The following NABP1 variants were observed in gnomAD, a reference collection of about 807,000 sequenced individuals.
NABP1 encodes SOSS complex subunit B2.
A neutral mutation model predicts 25.0 loss-of-function variants in NABP1; 18 were observed. The ratio of observed to expected loss-of-function variants is 0.72; its 90% CI spans 0.50 to 1.07. NABP1 has a LOEUF of 1.07. Ranked by LOEUF, NABP1 falls within the 50% of genes least tolerant of loss-of-function variation. NABP1 has a pLI of 0.00. For synonymous variants in NABP1, 71 were observed against 85.0 expected, an observed-to-expected ratio of 0.84 and a Z score of 0.91; for missense variants, 270 against 255.6, an observed-to-expected ratio of 1.06 and a Z score of -0.39.
chr2:191,678,738 G>T (rs769717756), intron 1 of NABP1, 33 bp downstream of exon 1: 88 of 1,576,112 alleles, frequency 5.6e-5, no homozygotes, highest in Non-Finnish European at 7.5e-5. Flanking sequence ...TCCACCGCCC[G>T]CTGTGCCTCC....
At chr2:191,682,092 T>C (rs962522266) in intron 3 of NABP1, 75 bp downstream of exon 3, 1 of 937,234 alleles carries the variant, frequency 1.1e-6, no homozygotes, top group Non-Finnish European at 1.5e-6. Context: ...TAGGTATGAA[T>C]TGTAAACCTC....
Position 191,684,291 on chromosome 2 carries a change from C to T in NABP1, c.440C>T (p.Pro147Leu), listed in dbSNP as rs750132844. The change falls in exon 5 of 6, where the codon CCA (proline) becomes CTA (leucine). Residue 147 changes from proline to leucine, a missense_variant. Transcript: ENST00000425611. ...NSNMGTGTFG[P>L]VGNGVHTGPE... ...AATATGGGTACAGGTACATTTGGAC[C>T]AGTGGGTAAGATTTTGTTTGTGTGT... The T allele has an allele frequency of 7.2e-6, 11 of 1,521,804 alleles. No homozygotes were observed. Among genetic ancestry groups the T allele is most frequent in the Non-Finnish European group, 9.6e-6 (11 of 1,143,402 alleles). 94.3% of individuals were successfully genotyped at this position (1,521,804 alleles called of 1,614,324 possible). A position where few individuals can be genotyped will look rare whatever the true frequency, so the allele number is the denominator to read the frequency against.
At chr2:191,678,838 T>A (rs1039868568) in intron 1 of NABP1, 133 bp downstream of exon 1, 9 of 881,368 alleles carry the variant, frequency 1.0e-5, no homozygotes, top group Admixed American at 4.9e-5. Flanking sequence ...TCTAGTGGCC[T>A]CCGCCCGAGA....
chr2:191,678,571 C>G lies in NABP1; in HGVS notation c.-44C>G, dbSNP rs1435794678. 3 of 1,465,068 alleles carry G rather than the reference C, an allele frequency of 2.0e-6. No individual in the cohort carries two copies. The highest frequency in any genetic ancestry group is 2.8e-6 in the Non-Finnish European group (3 of 1,054,272). 90.8% of individuals were successfully genotyped at this position (1,465,068 alleles called of 1,614,324 possible). On this transcript the variant is annotated 5_prime_UTR_variant, in exon 1 of 6. Transcript: ENST00000425611. ...GAGGGTGGGAAGCTTTGACCCCGCC[C>G]TGCCCACTCGCGTCTCCGCAGCCGT...
In NABP1 at chr2:191,685,904, A is replaced by C; in HGVS notation, c.*136A>C. On this transcript the variant is annotated 3_prime_UTR_variant, in exon 6 of 6. Coordinates refer to ENST00000425611, the MANE Select transcript of NABP1 (RefSeq NM_001031716.5). ...TTTATATTCTTGGTTTGTTAAGAAG[A>C]ATGGTTTGTTTTTATAGCAAAACTG... 1 of 831,436 alleles carries C rather than the reference A, an allele frequency of 1.2e-6. No homozygotes were observed. The highest frequency in any genetic ancestry group is 1.8e-6 in the Non-Finnish European group (1 of 552,370). The allele number at this position is 831,436 out of a possible 1,614,324, so 51.5% of individuals were successfully genotyped here.
chr2:191,679,458 C>T (rs1687611758), intron 2 of NABP1, among the ~76,000 whole-genome samples: 1 of 152,224 alleles, frequency 6.6e-6, no homozygotes, highest in Admixed American at 6.5e-5. Context: ...CTCACTGCAG[C>T]CTCCGCCTCG....
chr2:191,682,254 GAGACCAGCCCTA>G, intron 3 of NABP1: 1 of 420,474 alleles, frequency 2.4e-6, no homozygotes, highest in Non-Finnish European at 4.4e-6. Context: ...AGCTGCAGTT[GAGACCAGCCCTA>G]GTGGAAGCAT....
chr2:191,678,622 G>A lies in NABP1; in HGVS notation c.8G>A (p.Arg3Lys). 6.2e-7 allele frequency: 1 copy of A among 1,612,152 alleles called. No individual in the cohort carries two copies. The highest frequency in any genetic ancestry group is 8.5e-7 in the Non-Finnish European group (1 of 1,179,048). The change falls in exon 1 of 6, where the codon AGG becomes AAG. Residue 3 changes from arginine (R) to lysine (K), a missense_variant. By Grantham distance (26) the Arg-to-Lys change is conservative (BLOSUM62 2). Transcript: ENST00000425611. MN[R>K]VNDPLIFIRD... is the part of the protein sequence containing the mutation. ...AGCCGCGCCTGTCCCAATATGAATA[G>A]GGTCAACGACCCACTTATTTTTATA...
At position 191,681,995 on chromosome 2, in the gene NABP1, G is replaced by A; in HGVS notation, c.280G>A (p.Gly94Ser). The part of the protein sequence containing the change: ...GCLTLYTGRG[G>S]ELQKIGEFCM... ...TCTGACACTTTATACTGGAAGGGGT[G>A]GTGAACTTCAAAAAATTGGGGAGTA... Residue 94 changes from glycine to serine, a missense_variant, in exon 3 of 6, where the codon GGT becomes AGT. By Grantham distance (56) the Gly-to-Ser change is moderately conservative (BLOSUM62 0). Transcript: ENST00000425611. 2 of 1,501,654 alleles carry A rather than the reference G, an allele frequency of 1.3e-6. No homozygotes were observed. Among genetic ancestry groups the A allele is most frequent in the South Asian group, 1.4e-5 (1 of 71,582 alleles). The allele number at this position is 1,501,654 out of a possible 1,614,324, so 93.0% of individuals were successfully genotyped here. A position where few individuals can be genotyped will look rare whatever the true frequency, so the allele number is the denominator to read the frequency against.
chr2:191,684,429 C>T (rs902199291), intron 5 of NABP1, 133 bp downstream of exon 5: 1 of 532,148 alleles, frequency 1.9e-6, no homozygotes, highest in Admixed American at 3.4e-5. Flanking sequence ...CAGGGAATCC[C>T]CAAAGGGCTG....
intron 5 of NABP1, chr2:191,684,846 ATGTTTTGGTTTTGTTT>A (rs1687775669): frequency 6.6e-6 from 1 of 152,296 alleles, no homozygotes; most frequent in East Asian, 1.9e-4. Context: ...AGGATGGCTC[ATGTTTTGGTTTTGTTT>A]TGTTTTTGAG....
intron 3 of NABP1, chr2:191,682,542 C>T (rs1359955650): frequency 2.1e-6 from 1 of 471,166 alleles, no homozygotes; most frequent in Admixed American, 2.3e-5. Context: ...CACTACTACC[C>T]TGGTAATGAT....
At chr2:191,685,480 A>G (rs1172150916) in intron 5 of NABP1, 119 bp from the exon 6 acceptor site, 11 of 924,154 alleles carry the variant, frequency 1.2e-5, no homozygotes, top group Non-Finnish European at 1.6e-5. Context: ...TTTTCTGTAT[A>G]AAAATAAAAG....
rs545086977 is a variant in NABP1, at chr2:191,685,475, T to C, written c.446-124T>C. On this transcript the variant is annotated intron_variant, in intron 5 of 5. Transcript: ENST00000425611. ...TAGAGCCCACATTGTTTTTTTTTTCTGTATAAAAATAAAAGTGTGTGCTTT... is the reference window on the plus strand; with the variant it reads ...TAGAGCCCACATTGTTTTTTTTTTCCGTATAAAAATAAAAGTGTGTGCTTT... 1.5e-4 allele frequency: 128 copies of C among 863,432 alleles called. 2 individuals carry two copies. The South Asian group carries it at 2.5e-3, about 17-fold the overall frequency. 53.5% of individuals were successfully genotyped at this position (863,432 alleles called of 1,614,324 possible).
At chr2:191,685,569 A>G in intron 5 of NABP1, 30 bp from the exon 6 acceptor site, 10 of 1,578,454 alleles carry the variant, frequency 6.3e-6, no homozygotes, top group Non-Finnish European at 7.8e-6. Flanking sequence ...ACCTCTGAAA[A>G]TAGTGATGAA....
At chr2:191,681,367 T>C (rs2105642345) in intron 2 of NABP1, among the ~76,000 whole-genome samples, 1 of 152,336 alleles carries the variant, frequency 6.6e-6, no homozygotes, top group African/African-American at 2.4e-5. Context: ...AGTAAACATT[T>C]GCCAGTTTGT....
Position 191,686,547 on chromosome 2 carries a change from C to T in NABP1, c.*779C>T, listed in dbSNP as rs1484985821. ...GGGGGAGTTATAAAGTTATGATAAA[C>T]ATTCATCTGATTATTTTAAACAATA... is the stretch of plus-strand genomic sequence containing the variant. On this transcript the variant is annotated 3_prime_UTR_variant, in exon 6 of 6. Coordinates refer to ENST00000425611, the MANE Select transcript of NABP1 (RefSeq NM_001031716.5). 6.6e-6 allele frequency: 1 copy of T among 152,146 alleles called. No homozygotes were observed. Among genetic ancestry groups the T allele is most frequent in the Non-Finnish European group, 1.5e-5 (1 of 68,016 alleles). 9.4% of individuals were successfully genotyped at this position (152,146 alleles called of 1,614,324 possible).
intron 3 of NABP1, chr2:191,682,649 T>G (rs1044436252): frequency 8.8e-6 from 4 of 456,618 alleles, no homozygotes; most frequent in Non-Finnish European, 1.8e-5. Context: ...TAAAGTATGG[T>G]ACAGGCAATG....
rs1189428929 is a variant in NABP1, at chr2:191,686,293, A to T, written c.*525A>T. On this transcript the variant is annotated 3_prime_UTR_variant, in exon 6 of 6. Transcript: ENST00000425611. ...ATTAAGATTTTCCAAGGACTGACTC[A>T]TCCCAAATTTTTGTTGTATTACCAA... 1 of 152,280 alleles carries T rather than the reference A, an allele frequency of 6.6e-6. No individual in the cohort carries two copies. Among genetic ancestry groups the T allele is most frequent in the African/African-American group, 2.4e-5 (1 of 41,462 alleles). The allele number at this position is 152,280 out of a possible 1,614,324, so 9.4% of individuals were successfully genotyped here.
Sources: gnomAD v4.1 joint callset for allele counts (sites outside exome capture counted in the v4.1 genomes callset) on GRCh38, gnomAD v4.1.1 for gene constraint, MANE v1.5 for transcripts, NCBI Gene and HGNC (gene_info 2026-07-23, HGNC 2026-07-21) for gene names.